CCDC148: variants seen among roughly 807,000 people sequenced by gnomAD.
CCDC148 encodes coiled-coil domain containing 148.
CCDC148 carries 89 observed loss-of-function variants against 85.7 expected under a neutral mutation model. The observed-to-expected ratio is 1.04, with a 90% CI of 0.87 to 1.24. CCDC148 has a LOEUF of 1.24. Among genes scored for constraint, CCDC148 ranks in the 50% most tolerant of loss-of-function variants. CCDC148 has a pLI of 0.00. For missense variants in CCDC148, 692 were observed against 671.7 expected (o/e 1.03, Z -0.33); for synonymous variants, 230 against 213.9 (o/e 1.08, Z -0.66).
intron 2 of CCDC148, among the ~76,000 whole-genome samples, chr2:158,357,246 G>T (rs77150481): frequency 0.18 from 27,104 of 146,616 alleles, 3,094 homozygotes; most frequent in Middle Eastern, 0.27. Flanking sequence ...TAAAAAAAAA[G>T]AAGACAAAAA....
At chr2:158,283,139 TA>T (rs1261606369) in intron 9 of CCDC148, among the ~76,000 whole-genome samples, 1 of 152,170 alleles carries the variant, frequency 6.6e-6, no homozygotes, top group African/African-American at 2.4e-5. Context: ...CAAGATGGAT[TA>T]AAGACTTAAA....
intron 11 of CCDC148, among the ~76,000 whole-genome samples, chr2:158,198,332 C>T (rs1685780552): frequency 6.6e-6 from 1 of 152,054 alleles, no homozygotes; most frequent in South Asian, 2.1e-4. Flanking sequence ...ATCATTGTAT[C>T]CCAAGGTAGT....
rs79305017 is a variant in CCDC148 at position 158,267,855 on chromosome 2, T to C, written c.1111-16943A>G. Among the ~76,000 whole-genome samples the C allele has an allele frequency of 7.4e-3, 1,126 of 152,304 alleles. 19 individuals are homozygous for C. The highest frequency in any genetic ancestry group is 0.026 in the African/African-American group (1,073 of 41,580). On this transcript the variant is annotated intron_variant, in intron 9 of 13. Coordinates refer to ENST00000283233, the MANE Select transcript of CCDC148 (RefSeq NM_138803.4). The stretch of plus-strand genomic sequence containing the variant: ...AAAAGGCATTACACAGTATGTAGTC[T>C]TTGTGGTTGGCTTCTTCCACTTAGC...
At chr2:158,292,929 G>A (rs1263450785) in intron 9 of CCDC148, among the ~76,000 whole-genome samples, 3 of 152,136 alleles carry the variant, frequency 2.0e-5, no homozygotes, top group Non-Finnish European at 4.4e-5. Flanking sequence ...AAGTCAATTT[G>A]TTACAAATGC....
At chr2:158,229,668 C>T (rs1201341519) in intron 10 of CCDC148, among the ~76,000 whole-genome samples, 1 of 152,142 alleles carries the variant, frequency 6.6e-6, no homozygotes, top group Admixed American at 6.6e-5. Flanking sequence ...TATTTTTCCT[C>T]CTGTTCAAGA....
intron 4 of CCDC148, 32 bp downstream of exon 4, chr2:158,340,566 C>G (rs1466413730): frequency 6.7e-7 from 1 of 1,484,566 alleles, no homozygotes; most frequent in Non-Finnish European, 9.2e-7. Flanking sequence ...AAATAAAACT[C>G]CCCTTTAAAT....
rs535418143 is a variant in CCDC148, at chr2:158,326,869, T to C, written c.764+11857A>G. ...ATTGTTTCAGACATGAAAAAGCAAA[T>C]ATATAAAAATATATATGTTTGCTTT... On this transcript the variant is annotated intron_variant, in intron 7 of 13. Coordinates refer to ENST00000283233, the MANE Select transcript of CCDC148 (RefSeq NM_138803.4). 2.5e-3 allele frequency among the ~76,000 whole-genome samples: 376 copies of C among 152,224 alleles called. 3 individuals are homozygous for C. Among genetic ancestry groups the C allele is most frequent in the Non-Finnish European group, 4.6e-3 (313 of 68,002 alleles).
At chr2:158,438,731 C>G (rs566304537) in intron 1 of CCDC148, among the ~76,000 whole-genome samples, 4 of 152,244 alleles carry the variant, frequency 2.6e-5, no homozygotes, top group South Asian at 4.1e-4. Flanking sequence ...ACTCATCTGA[C>G]GAAGGGCTAA....
chr2:158,330,311 T>C (rs1439742611), intron 7 of CCDC148, among the ~76,000 whole-genome samples: 1 of 152,246 alleles, frequency 6.6e-6, no homozygotes, highest in Non-Finnish European at 1.5e-5. Flanking sequence ...GGATTACGTT[T>C]ATTGATTTGC....
chr2:158,205,503 C>T (rs570462756), intron 11 of CCDC148, among the ~76,000 whole-genome samples: 4 of 148,702 alleles, frequency 2.7e-5, no homozygotes, highest in South Asian at 2.2e-4. Flanking sequence ...TATTGTACTC[C>T]GGGTGCTTTA....
At chr2:158,366,147 G>A in intron 1 of CCDC148, 1 of 1,165,636 alleles carries the variant, frequency 8.6e-7, no homozygotes, top group Non-Finnish European at 1.2e-6. Context: ...TGTGTTACTT[G>A]AAGTATTTTT....
intron 1 of CCDC148, among the ~76,000 whole-genome samples, chr2:158,385,830 C>T (rs1685063592): frequency 6.6e-6 from 1 of 152,030 alleles, no homozygotes; most frequent in Non-Finnish European, 1.5e-5. Flanking sequence ...TCTTGAAAAG[C>T]AAGAGAGCAT....
chr2:158,358,587 T>G lies in CCDC148; in HGVS notation c.26-17A>C. ...CCAGATTATCTATTAGTCATAAAAA[T>G]AGAAAAATGACAAAGAAAGAATATC... is the stretch of plus-strand genomic sequence containing the variant. On this transcript the variant is annotated splice_polypyrimidine_tract_variant and intron_variant, in intron 1 of 13. Transcript: ENST00000283233. 6.7e-7 allele frequency: 1 copy of G among 1,500,038 alleles called. No individual in the cohort carries two copies. The highest frequency in any genetic ancestry group is 8.9e-7 in the Non-Finnish European group (1 of 1,119,544). 92.9% of individuals were successfully genotyped at this position (1,500,038 alleles called of 1,614,324 possible). A position where few individuals can be genotyped will look rare whatever the true frequency, so the allele number is the denominator to read the frequency against.
Position 158,181,693 on chromosome 2 carries a change from C to T in CCDC148, c.1371-2697G>A, listed in dbSNP as rs576415988. On this transcript the variant is annotated intron_variant, in intron 11 of 13. Transcript: ENST00000283233. Reference sequence around the variant, plus strand: ...AGACAAAAAAGTAGCATTTGAAGGCCCAGAGGTGAGAGTGAGCAGGTATGT... The same window carrying T: ...AGACAAAAAAGTAGCATTTGAAGGCTCAGAGGTGAGAGTGAGCAGGTATGT... 5.3e-4 allele frequency among the ~76,000 whole-genome samples: 81 copies of T among 151,978 alleles called. 1 individual carries two copies. Among genetic ancestry groups the T allele is most frequent in the African/African-American group, 1.9e-3 (79 of 41,446 alleles).
At chr2:158,200,195 T>C (rs1423338289) in intron 11 of CCDC148, among the ~76,000 whole-genome samples, 2 of 152,224 alleles carry the variant, frequency 1.3e-5, no homozygotes, top group African/African-American at 4.8e-5. Context: ...TACATCTCAC[T>C]GGTTTATTTC....
At chr2:158,214,680 C>T (rs1190417124) in intron 11 of CCDC148, among the ~76,000 whole-genome samples, 1 of 152,080 alleles carries the variant, frequency 6.6e-6, no homozygotes, top group Non-Finnish European at 1.5e-5. Flanking sequence ...TTCTGCTTCC[C>T]GCTGTCACTT....
At chr2:158,211,369 T>C (rs940815779) in intron 11 of CCDC148, among the ~76,000 whole-genome samples, 6 of 152,312 alleles carry the variant, frequency 3.9e-5, no homozygotes, top group South Asian at 2.1e-4. Context: ...GGTCAATTCA[T>C]TGACACATAC....
intron 9 of CCDC148, among the ~76,000 whole-genome samples, chr2:158,281,427 A>G (rs927716723): frequency 1.3e-5 from 2 of 152,144 alleles, no homozygotes; most frequent in African/African-American, 4.8e-5. Flanking sequence ...AGACGCAATA[A>G]AAAATGATAA....
At chr2:158,387,746 T>C (rs1436957145) in intron 1 of CCDC148, among the ~76,000 whole-genome samples, 9 of 152,162 alleles carry the variant, frequency 5.9e-5, no homozygotes, top group Admixed American at 3.3e-4. Context: ...CTCACTCTGC[T>C]TGGGCACTGA....
Sources: gnomAD v4.1 joint callset for allele counts (sites outside exome capture counted in the v4.1 genomes callset) on GRCh38, gnomAD v4.1.1 for gene constraint, MANE v1.5 for transcripts, NCBI Gene and HGNC (gene_info 2026-07-23, HGNC 2026-07-21) for gene names.